The following BBX variants were observed in gnomAD, a reference collection of about 807,000 sequenced individuals.
BBX encodes HMG box transcription factor BBX.
In BBX, 30 loss-of-function variants were observed where a neutral mutation model predicts 100.2. That is an observed-to-expected ratio of 0.30 (90% CI 0.22 to 0.41). The LOEUF is 0.41. Ranked by LOEUF, BBX falls within the 10% of genes least tolerant of loss-of-function variation. The probability of loss-of-function intolerance (pLI) is 1.00; values close to 1 mark genes in which losing one functional copy is unlikely to be tolerated. For missense variants in BBX, 1,023 were observed against 1,129.8 expected, an observed-to-expected ratio of 0.91 and a Z score of 1.35; for synonymous variants, 376 against 388.1, an observed-to-expected ratio of 0.97 and a Z score of 0.37.
intron 3 of BBX, among the ~76,000 whole-genome samples, chr3:107,700,612 C>T (rs1200918886): frequency 1.5e-5 from 2 of 135,202 alleles, no homozygotes; most frequent in Non-Finnish European, 3.1e-5. Flanking sequence ...CAACAGTCCC[C>T]GGTGTGTGAT....
chr3:107,789,299 CT>C (rs1383808184), intron 13 of BBX, among the ~76,000 whole-genome samples: 13 of 151,948 alleles, frequency 8.6e-5, no homozygotes, highest in Non-Finnish European at 1.8e-4. Flanking sequence ...GTCATTTTTT[CT>C]TCTTAGATTA....
intron 13 of BBX, among the ~76,000 whole-genome samples, chr3:107,785,542 T>C (rs1160021943): frequency 6.6e-6 from 1 of 151,974 alleles, no homozygotes; most frequent in African/African-American, 2.4e-5. Flanking sequence ...AACCAATTAG[T>C]GTAACATACC....
intron 3 of BBX, among the ~76,000 whole-genome samples, chr3:107,679,589 A>G (rs2059467710): frequency 6.6e-6 from 1 of 152,202 alleles, no homozygotes; most frequent in Admixed American, 6.6e-5. Flanking sequence ...TGTGGCTAGC[A>G]ACATTGAAAA....
intron 2 of BBX, among the ~76,000 whole-genome samples, chr3:107,555,165 C>T (rs1211392627): frequency 6.6e-6 from 1 of 152,134 alleles, no homozygotes; most frequent in African/African-American, 2.4e-5. Flanking sequence ...ACCAAAGCTC[C>T]TATTTGAGGT....
intron 4 of BBX, among the ~76,000 whole-genome samples, chr3:107,716,232 A>G (rs2062093919): frequency 6.6e-6 from 1 of 152,306 alleles, no homozygotes; most frequent in East Asian, 1.9e-4. Context: ...TTCATTCCAC[A>G]ATTAATTAAG....
intron 3 of BBX, among the ~76,000 whole-genome samples, chr3:107,651,317 G>A (rs532969889): frequency 2.0e-5 from 3 of 152,264 alleles, no homozygotes; most frequent in Non-Finnish European, 2.9e-5. Flanking sequence ...GGAGGGAGAC[G>A]TTTGAAATTA....
intron 2 of BBX, among the ~76,000 whole-genome samples, chr3:107,589,932 T>G (rs747333007): frequency 1.4e-4 from 22 of 152,224 alleles, no homozygotes; most frequent in Non-Finnish European, 2.6e-4. Flanking sequence ...ATGCTTTTAT[T>G]TTATTGCTTT....
chr3:107,801,388 A>G (rs2070455124), intron 17 of BBX, 107 bp downstream of exon 17: 2 of 1,233,166 alleles, frequency 1.6e-6, no homozygotes, highest in Non-Finnish European at 2.2e-6. Context: ...ACTTGGTTCA[A>G]GAGCACTATT....
intron 2 of BBX, among the ~76,000 whole-genome samples, chr3:107,553,090 T>A (rs1245707334): frequency 6.6e-6 from 1 of 152,224 alleles, no homozygotes; most frequent in Non-Finnish European, 1.5e-5. Context: ...TTGAATGGTT[T>A]GGTCAGTAGT....
intron 2 of BBX, among the ~76,000 whole-genome samples, chr3:107,605,231 C>A (rs891831978): frequency 2.0e-5 from 3 of 152,142 alleles, no homozygotes; most frequent in African/African-American, 7.2e-5. Flanking sequence ...TACTGTCAAG[C>A]CTAGAACCCC....
At chr3:107,801,392 C>A in intron 17 of BBX, 111 bp downstream of exon 17, 2 of 1,180,190 alleles carry the variant, frequency 1.7e-6, no homozygotes, top group Non-Finnish European at 2.3e-6. Context: ...GGTTCAAGAG[C>A]ACTATTGGTT....
At chr3:107,539,458 G>A (rs2048726543) in intron 2 of BBX, among the ~76,000 whole-genome samples, 1 of 152,128 alleles carries the variant, frequency 6.6e-6, no homozygotes, top group Admixed American at 6.5e-5. Context: ...TGGATGTCTA[G>A]GAATCCTTGC....
At chr3:107,777,457 T>C (rs555043724) in intron 12 of BBX, among the ~76,000 whole-genome samples, 1 of 152,292 alleles carries the variant, frequency 6.6e-6, no homozygotes, top group East Asian at 1.9e-4. Flanking sequence ...CTAAAATTGC[T>C]CTCCTCTTCC....
chr3:107,646,965 A>G (rs2057554768), intron 3 of BBX, among the ~76,000 whole-genome samples: 1 of 152,134 alleles, frequency 6.6e-6, no homozygotes. Flanking sequence ...AGTAAAATGT[A>G]TATGATTTAC....
chr3:107,721,021 G>A (rs1258172076), intron 5 of BBX, among the ~76,000 whole-genome samples: 1 of 151,944 alleles, frequency 6.6e-6, no homozygotes, highest in Non-Finnish European at 1.5e-5. Flanking sequence ...ATAGCACTTT[G>A]CCTACTATTA....
intron 7 of BBX, among the ~76,000 whole-genome samples, chr3:107,742,873 C>G (rs2064229553): frequency 6.6e-6 from 1 of 152,134 alleles, no homozygotes; most frequent in South Asian, 2.1e-4. Context: ...TTTAAACTTT[C>G]TGACTTGATG....
chr3:107,798,049 C>T (rs926665910), intron 15 of BBX, among the ~76,000 whole-genome samples: 1 of 152,176 alleles, frequency 6.6e-6, no homozygotes. Flanking sequence ...ATCAATTCAA[C>T]CTGGTGCTTA....
At chr3:107,523,865 C>T (rs975770863) in intron 1 of BBX, among the ~76,000 whole-genome samples, 1 of 152,038 alleles carries the variant, frequency 6.6e-6, no homozygotes, top group African/African-American at 2.4e-5. Context: ...CACCCCCCAC[C>T]CCTACCCAAA....
intron 5 of BBX, among the ~76,000 whole-genome samples, chr3:107,720,236 T>C (rs2062431946): frequency 6.6e-6 from 1 of 152,050 alleles, no homozygotes; most frequent in Non-Finnish European, 1.5e-5. Context: ...TTGACTCCTG[T>C]GTGTTCTTCT....
Sources: gnomAD v4.1 joint callset for allele counts (sites outside exome capture counted in the v4.1 genomes callset) on GRCh38, gnomAD v4.1.1 for gene constraint, MANE v1.5 for transcripts, NCBI Gene and HGNC (gene_info 2026-07-23, HGNC 2026-07-21) for gene names.